CFAP44: variants seen among roughly 807,000 people sequenced by gnomAD.
CFAP44 encodes the protein cilia and flagella associated protein 44.
CFAP44 carries 134 observed loss-of-function variants against 216.2 expected under a neutral mutation model. The ratio of observed to expected loss-of-function variants is 0.62; its 90% confidence interval spans 0.54 to 0.72. The LOEUF is 0.72. CFAP44 is among the 30% of genes least tolerant of loss of function. CFAP44 has a pLI of 0.00. For missense variants in CFAP44, 2,035 were observed against 2,182.1 expected (o/e 0.93, Z 1.34); for synonymous variants, 700 against 727.6 (o/e 0.96, Z 0.61).
intron 15 of CFAP44, among the ~76,000 whole-genome samples, chr3:113,386,723 A>C (rs1389483447): frequency 6.6e-6 from 1 of 152,136 alleles, no homozygotes; most frequent in Non-Finnish European, 1.5e-5. Flanking sequence ...ACACAAAAAC[A>C]CCTTGCTAAG....
rs2107787389 is a variant in CFAP44, at chr3:113,297,033, T to C, written c.5078-148A>G. On this transcript the variant is annotated intron_variant, in intron 32 of 34. Coordinates refer to ENST00000393845, the MANE Select transcript of CFAP44 (RefSeq NM_001164496.2). ...GTGATTTTTCTTCTGTGATTTTTTC[T>C]GCTGCTTTCCTCATTTAAAAATGCC... is the stretch of plus-strand genomic sequence containing the variant. The C allele has an allele frequency of 3.1e-6, 3 of 953,532 alleles. No homozygotes were observed. In the Admixed American group the frequency reaches 6.2e-5, roughly 20 times the overall value. 59.1% of individuals were successfully genotyped at this position (953,532 alleles called of 1,614,324 possible). A position where few individuals can be genotyped will look rare whatever the true frequency, so the allele number is the denominator to read the frequency against.
chr3:113,331,797 A>G (rs776783881), intron 25 of CFAP44, among the ~76,000 whole-genome samples: 4 of 152,194 alleles, frequency 2.6e-5, no homozygotes, highest in African/African-American at 4.8e-5. Flanking sequence ...GAAAAAAGAC[A>G]AATAATACAC....
chr3:113,320,466 CATATATG>C (rs1181271970), intron 28 of CFAP44, among the ~76,000 whole-genome samples: 5 of 93,944 alleles, frequency 5.3e-5, no homozygotes, highest in African/African-American at 2.0e-4. Context: ...ATCTATATAT[CATATATG>C]ATATATATGA....
intron 17 of CFAP44, among the ~76,000 whole-genome samples, chr3:113,378,252 A>G (rs1319218267): frequency 6.6e-6 from 1 of 152,182 alleles, no homozygotes; most frequent in Non-Finnish European, 1.5e-5. Flanking sequence ...AGACTTCCTG[A>G]AGGCAGGAAC....
At chr3:113,319,273 C>G (rs115964089) in intron 28 of CFAP44, among the ~76,000 whole-genome samples, 1 of 152,164 alleles carries the variant, frequency 6.6e-6, no homozygotes, top group African/African-American at 2.4e-5. Context: ...AAAAAAAGAG[C>G]AGGAGTTGCT....
intron 34 of CFAP44, among the ~76,000 whole-genome samples, chr3:113,293,704 C>A (rs1245790651): frequency 6.6e-6 from 1 of 152,024 alleles, no homozygotes; most frequent in East Asian, 1.9e-4. Context: ...GGAAAAAGAC[C>A]CCTCAATATT....
At chr3:113,414,421 C>T (rs766395566) in intron 6 of CFAP44, among the ~76,000 whole-genome samples, 1 of 152,162 alleles carries the variant, frequency 6.6e-6, no homozygotes, top group Non-Finnish European at 1.5e-5. Flanking sequence ...TGAGAGAGGG[C>T]ATCCTTGTCT....
chr3:113,339,445 G>A (rs902570454), intron 24 of CFAP44, among the ~76,000 whole-genome samples: 2 of 152,080 alleles, frequency 1.3e-5, no homozygotes, highest in African/African-American at 2.4e-5. Context: ...GTACCACTGC[G>A]GTATGTACCA....
At chr3:113,423,125 T>C (rs1934863800) in intron 4 of CFAP44, among the ~76,000 whole-genome samples, 1 of 124,490 alleles carries the variant, frequency 8.0e-6, no homozygotes, top group African/African-American at 3.1e-5. Context: ...TTTTTTTTTT[T>C]TTTTTGTGAG....
intron 24 of CFAP44, 22 bp from the exon 25 acceptor site, chr3:113,333,605 C>G: frequency 2.0e-6 from 3 of 1,488,418 alleles, no homozygotes; most frequent in Non-Finnish European, 2.7e-6. Flanking sequence ...ACAGACAACC[C>G]CCCCACACAC....
rs1354592794 is a variant in CFAP44 at position 113,296,822 on chromosome 3, G to A, written c.5141C>T (p.Ala1714Val). The change falls in exon 33 of 35, where the codon GCC becomes GTC. Residue 1714 changes from alanine to valine, a missense_variant. Physicochemically the swap from Ala to Val is moderately conservative, Grantham distance 64. Transcript: ENST00000393845. The stretch of plus-strand genomic sequence containing the variant: ...TGTATTAACAGAAAGCGTTTGAAGG[G>A]CTTCTAGATTTACCACACGGCCAAA... ...SKFGRVVNLEALQTLSVNTTL... is the reference protein window; with the variant it reads ...SKFGRVVNLEVLQTLSVNTTL... The A allele has an allele frequency of 1.3e-6, 2 of 1,537,446 alleles. No homozygotes were observed. The highest frequency in any genetic ancestry group is 1.7e-6 in the Non-Finnish European group (2 of 1,146,958).
intron 32 of CFAP44, among the ~76,000 whole-genome samples, chr3:113,301,545 C>CTA (rs1378132465): frequency 4.6e-5 from 7 of 152,010 alleles, no homozygotes; most frequent in African/African-American, 1.7e-4. Context: ...TATCTTTATA[C>CTA]CATACATCTT....
chr3:113,427,047 T>C, intron 3 of CFAP44, 140 bp downstream of exon 3: 1 of 926,120 alleles, frequency 1.1e-6, no homozygotes, highest in South Asian at 1.6e-5. Flanking sequence ...CCTACCAAAA[T>C]ATGTACTTGT....
intron 29 of CFAP44, among the ~76,000 whole-genome samples, chr3:113,307,813 T>TA (rs931295802): frequency 2.0e-5 from 3 of 151,582 alleles, no homozygotes; most frequent in Admixed American, 6.6e-5. Context: ...CCGTCTCTAC[T>TA]AAAAAAAATA....
chr3:113,416,447 T>C (rs2107386314), intron 6 of CFAP44, 78 bp downstream of exon 6: 1 of 1,169,730 alleles, frequency 8.5e-7, no homozygotes, highest in East Asian at 2.4e-5. Context: ...GAACCTTGAC[T>C]TATGAAATAA....
chr3:113,440,514 T>C (rs1052014733), intron 1 of CFAP44, among the ~76,000 whole-genome samples: 1 of 152,184 alleles, frequency 6.6e-6, no homozygotes, highest in African/African-American at 2.4e-5. Context: ...GTCCAGTGAT[T>C]AAGCCTTTTG....
intron 15 of CFAP44, among the ~76,000 whole-genome samples, chr3:113,381,824 T>C (rs766786248): frequency 5.3e-5 from 8 of 152,186 alleles, no homozygotes; most frequent in African/African-American, 1.2e-4. Flanking sequence ...AAGAAAAACA[T>C]ATAATATCTG....
In CFAP44 at chr3:113,400,655, A is replaced by ATAC; in HGVS notation, c.1375-12_1375-11insGTA. The stretch of plus-strand genomic sequence containing the variant: ...TTCTGGGTCCTGGGTCTGAGAATAG[A>ATAC]TAGACAGCTTACTAGATCTCAAAGA... On this transcript the variant is annotated splice_polypyrimidine_tract_variant and intron_variant, in intron 11 of 34. Transcript: ENST00000393845. 3.7e-6 allele frequency: 6 copies of ATAC among 1,603,832 alleles called. No homozygotes were observed. Among genetic ancestry groups the ATAC allele is most frequent in the Non-Finnish European group, 5.1e-6 (6 of 1,173,336 alleles).
At chr3:113,408,609 A>C (rs151069523) in intron 7 of CFAP44, among the ~76,000 whole-genome samples, 4 of 152,358 alleles carry the variant, frequency 2.6e-5, no homozygotes, top group African/African-American at 7.2e-5. Flanking sequence ...TTACGCCTGC[A>C]ATCCCAGCAC....
Sources: allele counts gnomAD v4.1 joint callset (sites outside exome capture counted in the v4.1 genomes callset), GRCh38; gene constraint gnomAD v4.1.1; transcripts MANE v1.5; gene names NCBI Gene and HGNC (gene_info 2026-07-23, HGNC 2026-07-21).